The following SOX6 variants were observed in gnomAD, a reference collection of about 807,000 sequenced individuals.
SOX6 encodes the protein transcription factor SOX-6.
SOX6 carries 11 observed loss-of-function variants against 97.8 expected under a neutral mutation model. That is an observed-to-expected ratio of 0.11 (90% CI 0.07 to 0.19). The LOEUF (loss-of-function observed/expected upper bound fraction) is 0.19. Ranked by LOEUF, SOX6 falls within the 10% of genes least tolerant of loss-of-function variation. The pLI, the probability that SOX6 is intolerant of heterozygous loss-of-function variation, is 1.00. For missense variants in SOX6, 810 were observed against 1,039.5 expected, an observed-to-expected ratio of 0.78 and a Z score of 3.04; for synonymous variants, 360 against 371.4, an observed-to-expected ratio of 0.97 and a Z score of 0.35.
intron 3 of SOX6, among the ~76,000 whole-genome samples, chr11:16,691,502 G>C (rs1436297430): frequency 1.3e-5 from 2 of 152,130 alleles, no homozygotes; most frequent in Non-Finnish European, 2.9e-5. Context: ...GAAGTGTAAA[G>C]AAGGGAAAAA....
chr11:16,501,274 T>G (rs1860702040), intron 4 of SOX6, among the ~76,000 whole-genome samples: 1 of 152,208 alleles, frequency 6.6e-6, no homozygotes, highest in African/African-American at 2.4e-5. Flanking sequence ...AAGCTTAAAC[T>G]GGATCCCTTC....
intron 4 of SOX6, among the ~76,000 whole-genome samples, chr11:16,188,229 CAAAA>C (rs5789943): frequency 1.8e-5 from 2 of 113,582 alleles, no homozygotes. Context: ...AACTCAGGTC[CAAAA>C]AAAAAAAAAA....
At chr11:16,097,275 A>C (rs1252224810) in intron 8 of SOX6, among the ~76,000 whole-genome samples, 1 of 151,912 alleles carries the variant, frequency 6.6e-6, no homozygotes, top group Non-Finnish European at 1.5e-5. Context: ...TGCAAAAGCT[A>C]ATCTGGACAT....
chr11:16,217,118 T>C (rs1852396034), intron 4 of SOX6, among the ~76,000 whole-genome samples: 3 of 152,226 alleles, frequency 2.0e-5, no homozygotes, highest in African/African-American at 7.2e-5. Context: ...TCATTTTCTT[T>C]AGCTTTCTTA....
chr11:16,239,867 T>C (rs189818506), intron 3 of SOX6, among the ~76,000 whole-genome samples: 1 of 152,104 alleles, frequency 6.6e-6, no homozygotes, highest in African/African-American at 2.4e-5. Flanking sequence ...TACTCCTCCA[T>C]AACACCCCTC....
chr11:16,138,872 A>G (rs1850050715), intron 6 of SOX6, among the ~76,000 whole-genome samples: 4 of 152,208 alleles, frequency 2.6e-5, no homozygotes, highest in Admixed American at 2.6e-4. Context: ...CCTACAAAGG[A>G]CATGAACTCA....
At chr11:16,236,900 A>T (rs866730938) in intron 3 of SOX6, among the ~76,000 whole-genome samples, 2 of 152,024 alleles carry the variant, frequency 1.3e-5, no homozygotes, top group African/African-American at 2.4e-5. Flanking sequence ...AATAACTTCA[A>T]AGCGTTTCGC....
chr11:16,383,266 A>T (rs2134412936), intron 1 of SOX6, among the ~76,000 whole-genome samples: 1 of 152,096 alleles, frequency 6.6e-6, no homozygotes, highest in East Asian at 1.9e-4. Flanking sequence ...ATACAGCAAC[A>T]TCCCTATAAC....
chr11:16,216,589 T>A (rs1852379394), intron 4 of SOX6, among the ~76,000 whole-genome samples: 1 of 148,716 alleles, frequency 6.7e-6, no homozygotes, highest in African/African-American at 2.5e-5. Flanking sequence ...CCTGCACTCT[T>A]AAGCAAATTC....
chr11:16,481,779 T>C (rs1439294568), intron 4 of SOX6, among the ~76,000 whole-genome samples: 1 of 152,152 alleles, frequency 6.6e-6, no homozygotes, highest in Non-Finnish European at 1.5e-5. Context: ...AGGACTCCCT[T>C]ACAGTCCTAA....
chr11:16,291,766 CAT>C (rs1340085647), intron 3 of SOX6, among the ~76,000 whole-genome samples: 2 of 152,050 alleles, frequency 1.3e-5, no homozygotes, highest in African/African-American at 2.4e-5. Flanking sequence ...AATTATAACA[CAT>C]ATGGGATTTT....
chr11:16,092,096 T>C (rs540508168), intron 9 of SOX6, among the ~76,000 whole-genome samples: 1 of 152,106 alleles, frequency 6.6e-6, no homozygotes, highest in East Asian at 1.9e-4. Context: ...ATCTCAGGGC[T>C]GACCCAAACA....
At chr11:16,660,338 G>T (rs1332226877) in intron 3 of SOX6, among the ~76,000 whole-genome samples, 1 of 152,006 alleles carries the variant, frequency 6.6e-6, no homozygotes, top group African/African-American at 2.4e-5. Context: ...TTTCTCTTGA[G>T]ACTGATTCTT....
chr11:16,144,247 G>A (rs192240031), intron 6 of SOX6, among the ~76,000 whole-genome samples: 6 of 152,312 alleles, frequency 3.9e-5, no homozygotes, highest in African/African-American at 1.4e-4. Context: ...GCTCCTGAAT[G>A]ACTGCTGGGT....
chr11:16,142,541 A>G (rs1010694008), intron 6 of SOX6, among the ~76,000 whole-genome samples: 2 of 152,164 alleles, frequency 1.3e-5, no homozygotes, highest in Non-Finnish European at 2.9e-5. Flanking sequence ...GCTTCAGATG[A>G]TCAAACTTCT....
intron 4 of SOX6, among the ~76,000 whole-genome samples, chr11:16,227,405 G>A (rs769850971): frequency 7.3e-5 from 11 of 150,684 alleles, no homozygotes; most frequent in African/African-American, 9.8e-5. Flanking sequence ...TGATTCATTC[G>A]TTCAACAAAT....
intron 13 of SOX6, among the ~76,000 whole-genome samples, chr11:16,006,157 A>T (rs76988530): frequency 0.09 from 13,656 of 152,012 alleles, 1,262 homozygotes; most frequent in East Asian, 0.36. Context: ...ATGTTATAAC[A>T]TGGAAAGATA....
chr11:16,005,173 T>C (rs1355223953), intron 13 of SOX6, among the ~76,000 whole-genome samples: 1 of 152,060 alleles, frequency 6.6e-6, no homozygotes, highest in African/African-American at 2.4e-5. Context: ...CTATTCTTCA[T>C]GTAGTTACTA....
At chr11:16,125,512 C>T (rs1043107837) in intron 6 of SOX6, among the ~76,000 whole-genome samples, 1 of 152,012 alleles carries the variant, frequency 6.6e-6, no homozygotes, top group Non-Finnish European at 1.5e-5. Flanking sequence ...GGAGTTGAGA[C>T]TAATGTCATC....
Sources: allele counts gnomAD v4.1 joint callset (sites outside exome capture counted in the v4.1 genomes callset), GRCh38; gene constraint gnomAD v4.1.1; transcripts MANE v1.5; gene names NCBI Gene and HGNC (gene_info 2026-07-23, HGNC 2026-07-21).